Variants in SSH1 observed in about 807,000 individuals in gnomAD.
SSH1 encodes protein phosphatase Slingshot homolog 1.
In SSH1, 43 loss-of-function variants were observed where a neutral mutation model predicts 79.7. That is an observed-to-expected ratio of 0.54 (90% CI 0.42 to 0.70). The LOEUF (loss-of-function observed/expected upper bound fraction) is 0.70, where lower values mean the gene tolerates loss of function less well. SSH1 is among the 30% of genes least tolerant of loss of function. The pLI is 0.00. For missense variants in SSH1, 1,206 were observed against 1,358.8 expected (o/e 0.89, Z 1.77); for synonymous variants, 599 against 538.3 (o/e 1.11, Z -1.56).
chr12:108,823,481 T>C (rs2038202780), intron 2 of SSH1, 120 bp from the exon 3 acceptor site: 1 of 785,600 alleles, frequency 1.3e-6, no homozygotes, highest in Non-Finnish European at 2.2e-6. Flanking sequence ...GCAAATAGGA[T>C]GAAACTGCTT....
At position 108,806,615 on chromosome 12, in the gene SSH1, C is replaced by T. The variant is rs150170067; in HGVS notation, c.732-221G>A. On this transcript the variant is annotated intron_variant, in intron 8 of 14. Coordinates refer to ENST00000326495, the MANE Select transcript of SSH1 (RefSeq NM_018984.4). ...TCAACAGAGCAGGGAGCAGGTCAAGCGGGGAGAGGACAGTGTGGAAACTCC... is the reference window on the plus strand; with the variant it reads ...TCAACAGAGCAGGGAGCAGGTCAAGTGGGGAGAGGACAGTGTGGAAACTCC... Among the ~76,000 whole-genome samples, 917 of 152,212 alleles carry T rather than the reference C, an allele frequency of 6.0e-3. 6 individuals carry two copies. Among genetic ancestry groups the T allele is most frequent in the Non-Finnish European group, 9.3e-3 (631 of 67,998 alleles).
rs2036547710 is a variant in SSH1, at chr12:108,792,423, G to C, written c.1756C>G (p.Gln586Glu). Reference sequence around the variant, plus strand: ...TCCTCCCTTTCCGTCTCCTCCACCTGCAGCAAGGAGCCGCTCCGACCTTTG... The same window carrying C: ...TCCTCCCTTTCCGTCTCCTCCACCTCCAGCAAGGAGCCGCTCCGACCTTTG... The part of the protein sequence containing the change: ...SPKGRSGSLL[Q>E]VEETEREEGL... The change falls in exon 14 of 15, where the codon CAG becomes GAG. Residue 586 changes from glutamine to glutamate, a missense_variant. Around this residue, in one of 5 missense-constraint regions of SSH1, gnomAD observed 709 missense variants for 730.6 expected, o/e 0.97. Coordinates refer to ENST00000326495, the MANE Select transcript of SSH1 (RefSeq NM_018984.4). 2 of 1,614,056 alleles carry C rather than the reference G, an allele frequency of 1.2e-6. No homozygotes were observed. Among genetic ancestry groups the C allele is most frequent in the Non-Finnish European group, 1.7e-6 (2 of 1,180,042 alleles).
intron 9 of SSH1, 51 bp downstream of exon 9, chr12:108,806,250 C>T (rs1297656942): frequency 2.0e-6 from 3 of 1,534,010 alleles, no homozygotes; most frequent in Admixed American, 3.3e-5. Context: ...GAGCAGGACA[C>T]ATGGAGGCTG....
intron 5 of SSH1, among the ~76,000 whole-genome samples, chr12:108,813,760 A>T (rs982040234): frequency 8.5e-5 from 1 of 11,828 alleles, no homozygotes; most frequent in African/African-American, 3.2e-4. Flanking sequence ...AGGGGAGGGG[A>T]GGGGAGGGGA....
At chr12:108,852,884 T>C in intron 1 of SSH1, 2 of 985,454 alleles carry the variant, frequency 2.0e-6, no homozygotes, top group Non-Finnish European at 2.4e-6. Flanking sequence ...GGTTTCCAAA[T>C]GTTGACCCAC....
In SSH1 at chr12:108,836,012, AC is replaced by A. The variant is rs2038612242; in HGVS notation, c.111-12652del. On this transcript the variant is annotated intron_variant, in intron 2 of 14. Coordinates refer to ENST00000326495, the MANE Select transcript of SSH1 (RefSeq NM_018984.4). ...AACTATATTAATATAATCGATTATA[AC>A]TATATTAATATAATCGATTATATTA... Among the ~76,000 whole-genome samples the A allele has an allele frequency of 3.3e-3, 8 of 2,452 alleles. No individual in the cohort carries two copies. In the South Asian group the frequency reaches 0.13, roughly 40 times the overall value. The allele number at this position is 2,452 out of a possible 152,430, so 1.6% of individuals were successfully genotyped here.
In SSH1 at chr12:108,799,001, T is replaced by C; in HGVS notation, c.1348A>G (p.Ser450Gly). The C allele has an allele frequency of 6.2e-7, 1 of 1,612,648 alleles. No individual in the cohort carries two copies. Among genetic ancestry groups the C allele is most frequent in the Non-Finnish European group, 8.5e-7 (1 of 1,180,020 alleles). Reference sequence around the variant, plus strand: ...CCTTCTCTCCAGGCAGGCACCCACCTTGCATCCAAGATGCCTTCATACTCA... The same window carrying C: ...CCTTCTCTCCAGGCAGGCACCCACCCTGCATCCAAGATGCCTTCATACTCA... ...LSEYEGILDA[S>G]KQRHNKLWRQ... The change falls in exon 13 of 15, where the codon AGC becomes GGC. Residue 450 changes from serine (S) to glycine (G), a missense_variant and splice_region_variant. By Grantham distance (56) the Ser-to-Gly change is moderately conservative. Coordinates refer to ENST00000326495, the MANE Select transcript of SSH1 (RefSeq NM_018984.4).
chr12:108,812,552 G>A (rs979673582), intron 5 of SSH1, among the ~76,000 whole-genome samples: 11 of 152,244 alleles, frequency 7.2e-5, no homozygotes, highest in Non-Finnish European at 8.8e-5. Context: ...CAGGGCAGGC[G>A]GAGGTCAAGG....
chr12:108,804,452 C>T (rs552541485), intron 10 of SSH1, among the ~76,000 whole-genome samples: 2 of 152,342 alleles, frequency 1.3e-5, no homozygotes, highest in African/African-American at 4.8e-5. Flanking sequence ...TGGATATTCA[C>T]AGCATTAAAA....
In SSH1 at chr12:108,799,303, AT is replaced by A. The variant is rs1188510721; in HGVS notation, c.1149-104del. On this transcript the variant is annotated intron_variant, in intron 12 of 14. Coordinates refer to ENST00000326495, the MANE Select transcript of SSH1 (RefSeq NM_018984.4). ...CATTCTCTCAGGTTTTACCCGAATCATTTTTTTAAACCCTGTAGATATCTTA... is the reference window on the plus strand; with the variant it reads ...CATTCTCTCAGGTTTTACCCGAATCATTTTTTAAACCCTGTAGATATCTTA... The A allele has an allele frequency of 7.3e-5, 72 of 987,072 alleles. 2 individuals are homozygous for A. The highest frequency in any genetic ancestry group is 1.0e-4 in the Non-Finnish European group (70 of 671,692). The allele number at this position is 987,072 out of a possible 1,614,324, so 61.1% of individuals were successfully genotyped here. A position where few individuals can be genotyped will look rare whatever the true frequency, so the allele number is the denominator to read the frequency against.
rs2036136083 is a variant in SSH1, at chr12:108,780,621, C to G, written c.*7367G>C. 6.6e-6 allele frequency: 1 copy of G among 152,172 alleles called. No individual in the cohort carries two copies. Among genetic ancestry groups the G allele is most frequent in the Admixed American group, 6.5e-5 (1 of 15,274 alleles). 9.4% of individuals were successfully genotyped at this position (152,172 alleles called of 1,614,324 possible). A position where few individuals can be genotyped will look rare whatever the true frequency, so the allele number is the denominator to read the frequency against. ...TCCCACCCCATTCATGGCTGGAACC[C>G]AAAGAGAATTTGTTAGCTATCTTCA... On this transcript the variant is annotated 3_prime_UTR_variant, in exon 15 of 15. Coordinates refer to ENST00000326495, the MANE Select transcript of SSH1 (RefSeq NM_018984.4).
At chr12:108,802,455 GC>G in intron 10 of SSH1, 87 bp from the exon 11 acceptor site, 2 of 1,255,854 alleles carry the variant, frequency 1.6e-6, no homozygotes, top group East Asian at 4.6e-5. Context: ...CCTAGCTCTG[GC>G]GGTGAGGTCT....
Position 108,807,073 on chromosome 12 carries a change from G to A in SSH1, c.731+560C>T, listed in dbSNP as rs1017783669. 6.6e-5 allele frequency among the ~76,000 whole-genome samples: 10 copies of A among 152,186 alleles called. No homozygotes were observed. The highest frequency in any genetic ancestry group is 2.1e-4 in the South Asian group (1 of 4,830). On this transcript the variant is annotated intron_variant, in intron 8 of 14. Coordinates refer to ENST00000326495, the MANE Select transcript of SSH1 (RefSeq NM_018984.4). This position sits in a 1 kb window ranked among gnomAD's most constrained non-coding sequence, Gnocchi z 5.2. Reference sequence around the variant, plus strand: ...GGGTCCTGACCCCGAGGGGAGGGGCGACCAGCATTCTCCCTAACTAGACTT... The same window carrying A: ...GGGTCCTGACCCCGAGGGGAGGGGCAACCAGCATTCTCCCTAACTAGACTT...
chr12:108,820,033 C>T (rs2038057061), intron 3 of SSH1, among the ~76,000 whole-genome samples: 1 of 151,888 alleles, frequency 6.6e-6, no homozygotes. Flanking sequence ...TCATGTTAAG[C>T]GTTCTTTCTT....
chr12:108,823,375 G>T lies in SSH1; in HGVS notation c.111-14C>A. 1 of 1,556,184 alleles carries T rather than the reference G, an allele frequency of 6.4e-7. No homozygotes were observed. Among genetic ancestry groups the T allele is most frequent in the South Asian group, 1.2e-5 (1 of 84,666 alleles). On this transcript the variant is annotated splice_polypyrimidine_tract_variant and intron_variant, in intron 2 of 14. Coordinates refer to ENST00000326495, the MANE Select transcript of SSH1 (RefSeq NM_018984.4). ...CTCTCACTTAAGCTGGGAAGGATAAGACCAGAGCACAGTTAGACCGGAATT... is the reference window on the plus strand; with the variant it reads ...CTCTCACTTAAGCTGGGAAGGATAATACCAGAGCACAGTTAGACCGGAATT...
rs1327167138 is a variant in SSH1 at position 108,781,592 on chromosome 12, C to T, written c.*6396G>A. The T allele has an allele frequency of 6.6e-6, 1 of 152,234 alleles. No individual in the cohort carries two copies. The highest frequency in any genetic ancestry group is 1.5e-5 in the Non-Finnish European group (1 of 68,046). The allele number at this position is 152,234 out of a possible 1,614,324, so 9.4% of individuals were successfully genotyped here. A position where few individuals can be genotyped will look rare whatever the true frequency, so the allele number is the denominator to read the frequency against. ...ACAAAATACTTCCTGGCTCTGCAGG[C>T]ACTGGAATTTAGGGGTCACGCCCAG... On this transcript the variant is annotated 3_prime_UTR_variant, in exon 15 of 15. Coordinates refer to ENST00000326495, the MANE Select transcript of SSH1 (RefSeq NM_018984.4).
chr12:108,828,214 C>T (rs551384668), intron 2 of SSH1, among the ~76,000 whole-genome samples: 1 of 152,306 alleles, frequency 6.6e-6, no homozygotes, highest in East Asian at 1.9e-4. Flanking sequence ...GGAAGCAGCA[C>T]TGAGTAGGGG....
chr12:108,844,127 T>C (rs1286596618), intron 2 of SSH1, among the ~76,000 whole-genome samples: 2 of 152,124 alleles, frequency 1.3e-5, no homozygotes, highest in African/African-American at 4.8e-5. Context: ...CATTTAATTC[T>C]GACAACCACC....
Position 108,789,000 on chromosome 12 carries a change from G to T in SSH1, c.2138C>A (p.Pro713Gln), listed in dbSNP as rs770923798. The T allele has an allele frequency of 6.2e-7, 1 of 1,610,046 alleles. No individual in the cohort carries two copies. The highest frequency in any genetic ancestry group is 1.7e-5 in the Admixed American group (1 of 59,648). The change falls in exon 15 of 15, where the codon CCG (proline) becomes CAG (glutamine). Residue 713 changes from proline (P) to glutamine (Q), a missense_variant. Coordinates refer to ENST00000326495, the MANE Select transcript of SSH1 (RefSeq NM_018984.4). ...CCTGGAGCCTGCTGGTGGTAGGAAC[G>T]GGGGAGGTTCGGTTGGGCCAGAGGC... ...KPASGPTEPP[P>Q]FLPPAGSRRA...
Sources: gnomAD v4.1 joint callset for allele counts (sites outside exome capture counted in the v4.1 genomes callset) on GRCh38, gnomAD v4.1.1 for gene constraint, gnomAD v4.1.1 regional missense constraint, Gnocchi (gnomAD v3.1) non-coding constraint, MANE v1.5 for transcripts, NCBI Gene and HGNC (gene_info 2026-07-23, HGNC 2026-07-21) for gene names.